GRID2: variants seen among roughly 807,000 people sequenced by gnomAD.
GRID2 encodes the protein glutamate ionotropic receptor delta type subunit 2.
In GRID2, 33 loss-of-function variants were observed where a neutral mutation model predicts 114.8. The ratio of observed to expected loss-of-function variants is 0.29; its 90% confidence interval spans 0.22 to 0.38. The LOEUF (loss-of-function observed/expected upper bound fraction) is 0.38. Among genes scored for constraint, GRID2 ranks in the 10% least tolerant of loss-of-function variants. The pLI is 1.00. For missense variants in GRID2, 1,184 were observed against 1,257.7 expected, an observed-to-expected ratio of 0.94 and a Z score of 0.89; for synonymous variants, 505 against 449.9, an observed-to-expected ratio of 1.12 and a Z score of -1.55.
intron 2 of GRID2, among the ~76,000 whole-genome samples, chr4:92,873,108 A>C (rs1343886390): frequency 6.6e-6 from 1 of 152,316 alleles, no homozygotes; most frequent in Admixed American, 6.5e-5. Context: ...CAAATTTCAT[A>C]AAATGAAAAT....
At chr4:93,547,241 AT>A (rs1158648830) in intron 13 of GRID2, among the ~76,000 whole-genome samples, 1 of 152,128 alleles carries the variant, frequency 6.6e-6, no homozygotes, top group Non-Finnish European at 1.5e-5. Flanking sequence ...TTACAAAAAT[AT>A]TTTTTTCCTA....
intron 2 of GRID2, among the ~76,000 whole-genome samples, chr4:92,775,377 G>C (rs141914643): frequency 1.3e-3 from 205 of 152,218 alleles, no homozygotes; most frequent in African/African-American, 4.7e-3. Context: ...AATTATCGAT[G>C]ACAGAAAAAC....
At chr4:93,443,905 G>C (rs570526963) in intron 10 of GRID2, among the ~76,000 whole-genome samples, 28 of 151,604 alleles carry the variant, frequency 1.8e-4, no homozygotes, top group African/African-American at 5.8e-4. Flanking sequence ...TAAGTTGAGA[G>C]AGAGAGAGAG....
In GRID2 at chr4:93,492,344, T is replaced by A. The variant is rs542969195; in HGVS notation, c.1997+1567T>A. 8.6e-5 allele frequency among the ~76,000 whole-genome samples: 13 copies of A among 151,960 alleles called. No individual in the cohort carries two copies. In the East Asian group the frequency reaches 2.3e-3, roughly 27 times the overall value. On this transcript the variant is annotated intron_variant, in intron 12 of 15. Transcript: ENST00000282020. The stretch of plus-strand genomic sequence containing the variant: ...AATGACAAAACTAAAGTTGAGAGGA[T>A]AAGTAACTCACCCAAAGCCTGCAGC...
At chr4:93,052,935 G>T (rs912501351) in intron 2 of GRID2, among the ~76,000 whole-genome samples, 6 of 151,848 alleles carry the variant, frequency 4.0e-5, no homozygotes, top group African/African-American at 1.5e-4. Flanking sequence ...AAAATTTAGG[G>T]CTGTCTTAGC....
At chr4:93,483,653 C>T (rs901230279) in intron 11 of GRID2, among the ~76,000 whole-genome samples, 3 of 152,056 alleles carry the variant, frequency 2.0e-5, no homozygotes, top group African/African-American at 7.2e-5. Context: ...TTTTTAACAA[C>T]TTTTTTAAGT....
intron 8 of GRID2, among the ~76,000 whole-genome samples, chr4:93,326,624 G>T (rs1415665604): frequency 6.6e-6 from 1 of 151,584 alleles, no homozygotes; most frequent in African/African-American, 2.4e-5. Context: ...CTATGTGAAG[G>T]CAAGATAGGG....
At chr4:93,613,439 G>T (rs1447882771) in intron 13 of GRID2, among the ~76,000 whole-genome samples, 7 of 108,026 alleles carry the variant, frequency 6.5e-5, no homozygotes, top group African/African-American at 2.1e-4. Flanking sequence ...CCATCTTTGT[G>T]GTTTTATCTA....
chr4:93,553,938 A>G (rs1734047197), intron 13 of GRID2, among the ~76,000 whole-genome samples: 1 of 152,154 alleles, frequency 6.6e-6, no homozygotes, highest in African/African-American at 2.4e-5. Context: ...AAAATGAATC[A>G]ACATTTATCT....
chr4:93,265,992 C>T (rs748425238), intron 8 of GRID2, among the ~76,000 whole-genome samples: 11 of 152,142 alleles, frequency 7.2e-5, no homozygotes, highest in Non-Finnish European at 1.3e-4. Context: ...TGGAGCCTAT[C>T]CCTGCAGCTC....
intron 9 of GRID2, among the ~76,000 whole-genome samples, chr4:93,402,361 G>A (rs1341390340): frequency 6.6e-6 from 1 of 151,822 alleles, no homozygotes. Context: ...AATCACAAAG[G>A]GTTACTACTA....
At chr4:92,518,530 G>A (rs975463779) in intron 1 of GRID2, among the ~76,000 whole-genome samples, 11 of 151,912 alleles carry the variant, frequency 7.2e-5, no homozygotes, top group African/African-American at 2.4e-4. Context: ...GTCAAATGGT[G>A]GATGCCAGAG....
At chr4:93,266,449 C>A (rs1298005604) in intron 8 of GRID2, among the ~76,000 whole-genome samples, 2 of 152,068 alleles carry the variant, frequency 1.3e-5, no homozygotes, top group East Asian at 1.9e-4. Flanking sequence ...CACACACATC[C>A]ACCTGTTCAC....
rs1010415965 is a variant in GRID2 at position 92,337,407 on chromosome 4, T to C, written c.88+32663T>C. On this transcript the variant is annotated intron_variant, in intron 1 of 15. Coordinates refer to ENST00000282020, the MANE Select transcript of GRID2 (RefSeq NM_001510.4). The stretch of plus-strand genomic sequence containing the variant: ...CAAGCAGAGCCTGAGTTGGAGATTC[T>C]TGGGTAAGCAATTTATTGAGGAATG... 6.6e-5 allele frequency among the ~76,000 whole-genome samples: 10 copies of C among 152,128 alleles called. 1 individual carries two copies. Among genetic ancestry groups the C allele is most frequent in the Middle Eastern group, 6.3e-3 (2 of 316 alleles).
chr4:93,533,875 T>C (rs1297642475), intron 13 of GRID2, among the ~76,000 whole-genome samples: 1 of 152,140 alleles, frequency 6.6e-6, no homozygotes, highest in Non-Finnish European at 1.5e-5. Context: ...GTCATTCTTC[T>C]GCTCAAAATT....
At chr4:92,579,816 A>C (rs1387714700) in intron 1 of GRID2, among the ~76,000 whole-genome samples, 3 of 151,254 alleles carry the variant, frequency 2.0e-5, no homozygotes, top group South Asian at 2.1e-4. Context: ...TATTATTAAA[A>C]TACTATTTAG....
At chr4:93,308,340 C>A (rs1755657533) in intron 8 of GRID2, among the ~76,000 whole-genome samples, 1 of 152,132 alleles carries the variant, frequency 6.6e-6, no homozygotes, top group South Asian at 2.1e-4. Flanking sequence ...GAATCTATTA[C>A]AGTTCAAAAT....
At chr4:93,694,533 T>C (rs1407365677) in intron 14 of GRID2, among the ~76,000 whole-genome samples, 3 of 152,196 alleles carry the variant, frequency 2.0e-5, no homozygotes, top group African/African-American at 4.8e-5. Context: ...TGCATTGACT[T>C]ATCACTTCTG....
At chr4:93,717,167 C>T (rs960726173) in intron 14 of GRID2, among the ~76,000 whole-genome samples, 2 of 152,134 alleles carry the variant, frequency 1.3e-5, no homozygotes, top group South Asian at 2.1e-4. Context: ...CTATTCATTC[C>T]GTGTTTGCCA....
Sources: allele counts gnomAD v4.1 joint callset (sites outside exome capture counted in the v4.1 genomes callset), GRCh38; gene constraint gnomAD v4.1.1; transcripts MANE v1.5; gene names NCBI Gene and HGNC (gene_info 2026-07-23, HGNC 2026-07-21).